DRC12: variants seen among roughly 807,000 people sequenced by gnomAD.
DRC12 encodes the protein dynein regulatory complex subunit 12 homolog.
chr11:119,193,303 G>A, the DRC12 span: 1 of 1,425,310 alleles, frequency 7.0e-7, no homozygotes, highest in Middle Eastern at 1.8e-4. Context: ...ATGGAGAAAG[G>A]AAATGAAGTT....
the DRC12 span, among the ~76,000 whole-genome samples, chr11:119,192,549 G>T: frequency 5.4e-4 from 83 of 152,322 alleles, 1 homozygote; most frequent in East Asian, 0.013. Context: ...TAAACTAAAA[G>T]GGAATATGTT....
the DRC12 span, chr11:119,193,805 G>C: frequency 2.6e-6 from 4 of 1,551,492 alleles, no homozygotes; most frequent in East Asian, 9.8e-5. Context: ...GCCCCTTCCA[G>C]CTCAGCCTCC....
chr11:119,191,978 T>G, the DRC12 span, among the ~76,000 whole-genome samples: 1 of 25,498 alleles, frequency 3.9e-5, no homozygotes, highest in African/African-American at 2.5e-4. Flanking sequence ...ACCGAAGGCC[T>G]TTTTTTTTTT....
the DRC12 span, chr11:119,190,355 C>T: frequency 6.2e-7 from 1 of 1,613,780 alleles, no homozygotes; most frequent in Non-Finnish European, 8.5e-7. This position sits in a 1 kb window ranked among gnomAD's most constrained non-coding sequence, Gnocchi z 4.2. Context: ...TCCAAACTGG[C>T]GTTGCTGCTC....
At chr11:119,194,999 G>C in the DRC12 span, 865,115 of 1,548,696 alleles carry the variant, frequency 0.56, 249,605 homozygotes, top group East Asian at 0.87. Flanking sequence ...CTGCACCTGC[G>C]GTGGCAAGTG....
At chr11:119,195,506 GA>G in the DRC12 span, 15 of 1,541,618 alleles carry the variant, frequency 9.7e-6, no homozygotes, top group Non-Finnish European at 1.2e-5. Context: ...TGTCCTGGGA[GA>G]AGGAGGGGAC....
At chr11:119,193,223 C>G in the DRC12 span, 1 of 1,614,058 alleles carries the variant, frequency 6.2e-7, no homozygotes, top group Non-Finnish European at 8.5e-7. Context: ...TCCTGCAGGG[C>G]ATGGCACTGG....
the DRC12 span, chr11:119,193,267 C>T: frequency 6.3e-7 from 1 of 1,598,886 alleles, no homozygotes. Context: ...AGTGGGCCAC[C>T]AGGGACCCAG....
At chr11:119,193,887 T>C in the DRC12 span, 2 of 1,551,330 alleles carry the variant, frequency 1.3e-6, no homozygotes. Flanking sequence ...TCCGTAGAGC[T>C]GTGAGCAGTC....
At chr11:119,195,101 AC>A in the DRC12 span, 1 of 911,804 alleles carries the variant, frequency 1.1e-6, no homozygotes, top group Non-Finnish European at 1.7e-6. Context: ...AGACCTGAGG[AC>A]CACTAAATGA....
the DRC12 span, chr11:119,193,210 T>C: frequency 4.2e-4 from 670 of 1,614,006 alleles, 1 homozygote; most frequent in East Asian, 7.5e-3. Flanking sequence ...GGTTTGCATA[T>C]CCTCCTGCAG....
chr11:119,193,999 T>C, the DRC12 span: 1 of 994,514 alleles, frequency 1.0e-6, no homozygotes, highest in East Asian at 2.7e-5. Flanking sequence ...GTGTCCAGCC[T>C]CTTACTCTCT....
At chr11:119,191,582 G>A in the DRC12 span, among the ~76,000 whole-genome samples, 3 of 151,772 alleles carry the variant, frequency 2.0e-5, no homozygotes, top group South Asian at 2.1e-4. Context: ...CGAGGAGGGC[G>A]GATTACCTGA....
At chr11:119,195,036 A>C in the DRC12 span, 86 of 1,486,720 alleles carry the variant, frequency 5.8e-5, no homozygotes, top group Non-Finnish European at 7.4e-5. Flanking sequence ...TCATGATCTC[A>C]GCATTCCTCA....
At chr11:119,191,807 C>CAAAACAA in the DRC12 span, among the ~76,000 whole-genome samples, 25 of 151,018 alleles carry the variant, frequency 1.7e-4, no homozygotes, top group Non-Finnish European at 3.1e-4. Context: ...AACTCCGTCT[C>CAAAACAA]AAAACAAAAA....
chr11:119,194,294 C>T, the DRC12 span, among the ~76,000 whole-genome samples: 1 of 151,976 alleles, frequency 6.6e-6, no homozygotes, highest in African/African-American at 2.4e-5. Context: ...GCTGGTGGGA[C>T]ACAAGGTCAA....
chr11:119,194,781 C>T, the DRC12 span: 4 of 585,262 alleles, frequency 6.8e-6, no homozygotes, highest in Non-Finnish European at 1.2e-5. Context: ...CCCACCCTCT[C>T]TCATCATCTT....
At chr11:119,194,477 G>A in the DRC12 span, among the ~76,000 whole-genome samples, 2 of 117,416 alleles carry the variant, frequency 1.7e-5, no homozygotes, top group Admixed American at 2.4e-4. Context: ...TCACACCACT[G>A]CACTCCAGCC....
chr11:119,195,522 T>C, the DRC12 span: 1 of 1,492,456 alleles, frequency 6.7e-7, no homozygotes, highest in Non-Finnish European at 9.1e-7. Flanking sequence ...GGGGACCTTA[T>C]GTTTAGGTCT....
Sources: gnomAD v4.1 joint callset for allele counts (sites outside exome capture counted in the v4.1 genomes callset) on GRCh38, gnomAD v4.1.1 for gene constraint, Gnocchi (gnomAD v3.1) non-coding constraint, MANE v1.5 for transcripts, NCBI Gene and HGNC (gene_info 2026-07-23, HGNC 2026-07-21) for gene names.